Variants in DOK6 observed in about 807,000 individuals in gnomAD.
DOK6 encodes the protein downstream of tyrosine kinase 6.
In DOK6, 22 loss-of-function variants were observed where a neutral mutation model predicts 44.0. That is an observed-to-expected ratio of 0.50 (90% CI 0.36 to 0.71). The LOEUF is 0.71. DOK6 is among the 30% of genes least tolerant of loss of function. The pLI, the probability that DOK6 is intolerant of heterozygous loss-of-function variation, is 0.00. For missense variants in DOK6, 340 were observed against 416.4 expected (o/e 0.82, Z 1.60); for synonymous variants, 166 against 145.5 (o/e 1.14, Z -1.01).
chr18:69,724,014 T>A (rs1426048534), intron 5 of DOK6, among the ~76,000 whole-genome samples: 1 of 152,202 alleles, frequency 6.6e-6, no homozygotes, highest in Non-Finnish European at 1.5e-5. Flanking sequence ...TTTCTTGGCA[T>A]AATATTAATT....
chr18:69,547,092 T>C (rs1450632079), intron 1 of DOK6, among the ~76,000 whole-genome samples: 1 of 151,464 alleles, frequency 6.6e-6, no homozygotes, highest in Non-Finnish European at 1.5e-5. Flanking sequence ...GTACCCTTTT[T>C]TGTTGTTTGT....
At chr18:69,434,943 G>T in intron 1 of DOK6, among the ~76,000 whole-genome samples, 1 of 131,174 alleles carries the variant, frequency 7.6e-6, no homozygotes. Context: ...AGGGAGGGAG[G>T]GAGGGAGGGA....
At chr18:69,585,057 C>A (rs1410079673) in intron 2 of DOK6, among the ~76,000 whole-genome samples, 1 of 151,014 alleles carries the variant, frequency 6.6e-6, no homozygotes, top group African/African-American at 2.4e-5. Flanking sequence ...ATTATTATGT[C>A]TTTCTTTATG....
At chr18:69,559,632 T>C (rs1175043679) in intron 1 of DOK6, among the ~76,000 whole-genome samples, 1 of 152,114 alleles carries the variant, frequency 6.6e-6, no homozygotes, top group Non-Finnish European at 1.5e-5. Flanking sequence ...CTGCTAGTTT[T>C]AAAAAAATAT....
At chr18:69,635,184 T>C (rs1984775385) in intron 3 of DOK6, among the ~76,000 whole-genome samples, 1 of 152,188 alleles carries the variant, frequency 6.6e-6, no homozygotes, top group African/African-American at 2.4e-5. Context: ...TGGGTACTTA[T>C]GCATGGACAA....
intron 3 of DOK6, among the ~76,000 whole-genome samples, chr18:69,640,447 T>C (rs544884321): frequency 1.3e-5 from 2 of 152,224 alleles, no homozygotes; most frequent in Non-Finnish European, 2.9e-5. Context: ...CCTTAGGTAA[T>C]TTGCTTAGCC....
intron 5 of DOK6, among the ~76,000 whole-genome samples, chr18:69,702,200 C>G (rs1196448466): frequency 7.3e-6 from 1 of 137,750 alleles, no homozygotes; most frequent in Non-Finnish European, 1.5e-5. Context: ...GTACACATAT[C>G]TTCATAAAAG....
chr18:69,443,022 A>G (rs900356396), intron 1 of DOK6, among the ~76,000 whole-genome samples: 1 of 152,238 alleles, frequency 6.6e-6, no homozygotes, highest in African/African-American at 2.4e-5. Flanking sequence ...TTTATCTAAA[A>G]TAATGAAGAT....
intron 3 of DOK6, among the ~76,000 whole-genome samples, chr18:69,654,795 C>T (rs976897479): frequency 1.1e-4 from 17 of 152,202 alleles, no homozygotes; most frequent in African/African-American, 3.4e-4. Context: ...CAGTGGTGCA[C>T]GCCTGTAATC....
chr18:69,406,173 A>T (rs1916202893), intron 1 of DOK6, among the ~76,000 whole-genome samples: 1 of 152,202 alleles, frequency 6.6e-6, no homozygotes. Flanking sequence ...AAATAATGCT[A>T]GTTCTTAGAA....
chr18:69,442,835 C>G (rs957409439), intron 1 of DOK6, among the ~76,000 whole-genome samples: 7 of 152,094 alleles, frequency 4.6e-5, no homozygotes, highest in Non-Finnish European at 7.4e-5. Context: ...CATTGTATAT[C>G]TGTGTGAATA....
chr18:69,423,350 C>A (rs902743806), intron 1 of DOK6, among the ~76,000 whole-genome samples: 11 of 152,086 alleles, frequency 7.2e-5, no homozygotes, highest in African/African-American at 2.4e-4. Flanking sequence ...ATTGAAGACC[C>A]ATTTGAACCT....
At chr18:69,766,891 T>C (rs1979733353) in intron 7 of DOK6, among the ~76,000 whole-genome samples, 1 of 152,160 alleles carries the variant, frequency 6.6e-6, no homozygotes, top group Non-Finnish European at 1.5e-5. Context: ...ACAGAGTTCT[T>C]ACTGTGCTTG....
At chr18:69,586,371 T>G (rs1273779334) in intron 2 of DOK6, among the ~76,000 whole-genome samples, 6 of 152,182 alleles carry the variant, frequency 3.9e-5, no homozygotes, top group African/African-American at 4.8e-5. Flanking sequence ...CTACTGGCTG[T>G]CTTCTCCAGG....
intron 7 of DOK6, among the ~76,000 whole-genome samples, chr18:69,762,309 G>C (rs1015836932): frequency 2.0e-5 from 3 of 152,182 alleles, no homozygotes; most frequent in Non-Finnish European, 2.9e-5. Context: ...CCACTGCACT[G>C]TAGCCTGGGC....
intron 4 of DOK6, among the ~76,000 whole-genome samples, chr18:69,692,249 A>G (rs1468267571): frequency 6.6e-6 from 1 of 152,196 alleles, no homozygotes; most frequent in Admixed American, 6.5e-5. Flanking sequence ...AAAATTATCA[A>G]TTACACCAGT....
intron 2 of DOK6, among the ~76,000 whole-genome samples, chr18:69,594,660 C>T (rs1277491915): frequency 6.6e-6 from 1 of 151,188 alleles, no homozygotes; most frequent in Non-Finnish European, 1.5e-5. Context: ...TCAAATTGTC[C>T]CTCTTTGCAG....
chr18:69,486,167 T>C (rs991013036), intron 1 of DOK6, among the ~76,000 whole-genome samples: 4 of 151,980 alleles, frequency 2.6e-5, no homozygotes, highest in Non-Finnish European at 5.9e-5. Context: ...TCTACATTCT[T>C]CTTTTGCAGA....
At chr18:69,685,894 A>G (rs1287232306) in intron 4 of DOK6, among the ~76,000 whole-genome samples, 1 of 152,172 alleles carries the variant, frequency 6.6e-6, no homozygotes, top group African/African-American at 2.4e-5. Flanking sequence ...GCATCACTAG[A>G]CACGTGCCTA....
Sources: gnomAD v4.1 joint callset for allele counts (sites outside exome capture counted in the v4.1 genomes callset) on GRCh38, gnomAD v4.1.1 for gene constraint, MANE v1.5 for transcripts, NCBI Gene and HGNC (gene_info 2026-07-23, HGNC 2026-07-21) for gene names.